Variants in DPP10 observed in about 807,000 individuals in gnomAD.
DPP10 encodes the protein dipeptidyl peptidase like 10.
A neutral mutation model predicts 120.9 loss-of-function variants in DPP10; 33 were observed. That is an observed-to-expected ratio of 0.27 (90% CI 0.21 to 0.37). The LOEUF (loss-of-function observed/expected upper bound fraction) is 0.37, where lower values mean the gene tolerates loss of function less well. Ranked by LOEUF, DPP10 falls within the 10% of genes least tolerant of loss-of-function variation. DPP10 has a pLI of 1.00. For synonymous variants in DPP10, 337 were observed against 326.1 expected (o/e 1.03, Z -0.36); for missense variants, 816 against 942.8 (o/e 0.87, Z 1.76).
chr2:115,511,288 A>G (rs2077209400), intron 4 of DPP10, among the ~76,000 whole-genome samples: 1 of 152,080 alleles, frequency 6.6e-6, no homozygotes, highest in Non-Finnish European at 1.5e-5. Context: ...TATTCCAAAT[A>G]TATATTACTT....
At chr2:115,424,471 G>A (rs897968130) in intron 3 of DPP10, among the ~76,000 whole-genome samples, 2 of 151,462 alleles carry the variant, frequency 1.3e-5, no homozygotes, top group East Asian at 1.9e-4. Context: ...TAAATTATCA[G>A]CAGATAGGAA....
At chr2:114,972,204 A>G (rs528274780) in intron 1 of DPP10, among the ~76,000 whole-genome samples, 3 of 152,156 alleles carry the variant, frequency 2.0e-5, no homozygotes. Flanking sequence ...GACAAGCGCT[A>G]GTTTACATAG....
At chr2:114,456,980 A>C (rs944557724) in intron 1 of DPP10, among the ~76,000 whole-genome samples, 3 of 152,224 alleles carry the variant, frequency 2.0e-5, no homozygotes, top group Non-Finnish European at 2.9e-5. Flanking sequence ...GAAAACAGTT[A>C]ATAAAAGTGA....
intron 3 of DPP10, among the ~76,000 whole-genome samples, chr2:115,423,520 G>A (rs2070175705): frequency 6.6e-6 from 1 of 152,124 alleles, no homozygotes; most frequent in African/African-American, 2.4e-5. Flanking sequence ...AGCTGTTTCT[G>A]TCTGTGGAAA....
At chr2:115,627,576 G>T (rs1469084239) in intron 5 of DPP10, among the ~76,000 whole-genome samples, 3 of 152,154 alleles carry the variant, frequency 2.0e-5, no homozygotes, top group Non-Finnish European at 4.4e-5. Context: ...GTGCAGGTTT[G>T]TTACATAGGT....
At chr2:114,749,598 A>ATTTTATTTTATTTT (rs1679003405) in intron 1 of DPP10, among the ~76,000 whole-genome samples, 2 of 147,486 alleles carry the variant, frequency 1.4e-5, no homozygotes, top group South Asian at 4.3e-4. Flanking sequence ...ATTTTATTTT[A>ATTTTATTTTATTTT]TTTTTTGAGA....
At position 114,828,210 on chromosome 2, in the gene DPP10, G is replaced by A. The variant is rs138201828; in HGVS notation, c.60+385372G>A. 9.9e-4 allele frequency among the ~76,000 whole-genome samples: 151 copies of A among 152,198 alleles called. 1 individual carries two copies. Among genetic ancestry groups the A allele is most frequent in the African/African-American group, 3.5e-3 (144 of 41,516 alleles). On this transcript the variant is annotated intron_variant, in intron 1 of 25. Transcript: ENST00000410059. The stretch of plus-strand genomic sequence containing the variant: ...TCTGATAATGGGTAGATGGTCTACG[G>A]CCATACCACCCTGAACACTCCCCGT...
intron 1 of DPP10, among the ~76,000 whole-genome samples, chr2:114,608,147 A>C (rs187873257): frequency 3.2e-4 from 48 of 152,296 alleles, no homozygotes; most frequent in African/African-American, 9.9e-4. Context: ...CTTATAGGGG[A>C]TCTGAGTGAG....
intron 1 of DPP10, among the ~76,000 whole-genome samples, chr2:114,473,203 A>G (rs1325145630): frequency 2.0e-5 from 3 of 152,218 alleles, no homozygotes; most frequent in African/African-American, 7.2e-5. Flanking sequence ...GCAGTGAACA[A>G]TAGAAGGCAT....
intron 4 of DPP10, among the ~76,000 whole-genome samples, chr2:115,514,081 A>G (rs1040559804): frequency 2.6e-5 from 4 of 151,906 alleles, no homozygotes; most frequent in Admixed American, 1.3e-4. Context: ...GAAGACGTCA[A>G]CCTAAATCTC....
chr2:115,162,602 C>T (rs2052503193), intron 1 of DPP10, among the ~76,000 whole-genome samples: 1 of 151,960 alleles, frequency 6.6e-6, no homozygotes, highest in African/African-American at 2.4e-5. Context: ...CTGAGCGGAA[C>T]GGAGCTTGGG....
intron 1 of DPP10, among the ~76,000 whole-genome samples, chr2:114,547,083 G>A (rs1687472200): frequency 6.6e-6 from 1 of 152,240 alleles, no homozygotes; most frequent in Admixed American, 6.5e-5. Flanking sequence ...CGCATCATGT[G>A]TGTGCGGTAG....
chr2:114,621,125 A>T (rs1012818831), intron 1 of DPP10, among the ~76,000 whole-genome samples: 1 of 152,106 alleles, frequency 6.6e-6, no homozygotes, highest in African/African-American at 2.4e-5. Context: ...AATGAAACAC[A>T]TGGAAATAGG....
intron 1 of DPP10, among the ~76,000 whole-genome samples, chr2:114,755,216 C>T (rs1340998180): frequency 1.3e-5 from 2 of 152,162 alleles, no homozygotes; most frequent in African/African-American, 4.8e-5. Flanking sequence ...TTAACTTATT[C>T]ATTCAATAAA....
At chr2:115,178,044 G>A (rs532651485) in intron 1 of DPP10, among the ~76,000 whole-genome samples, 1 of 151,914 alleles carries the variant, frequency 6.6e-6, no homozygotes, top group Non-Finnish European at 1.5e-5. Flanking sequence ...GCTTTTTTTT[G>A]ATAAAAACCT....
intron 1 of DPP10, among the ~76,000 whole-genome samples, chr2:114,904,393 A>G (rs1693813070): frequency 6.6e-6 from 1 of 152,230 alleles, no homozygotes; most frequent in Non-Finnish European, 1.5e-5. Context: ...AGAACTGGCA[A>G]GGATTGAAAT....
chr2:114,622,113 G>A (rs927384858), intron 1 of DPP10, among the ~76,000 whole-genome samples: 2 of 152,022 alleles, frequency 1.3e-5, no homozygotes, highest in Admixed American at 1.3e-4. Context: ...GAAGAGACAG[G>A]AGTAGCTGAG....
intron 1 of DPP10, among the ~76,000 whole-genome samples, chr2:115,059,454 G>A (rs1458280850): frequency 1.3e-5 from 2 of 149,682 alleles, no homozygotes; most frequent in Non-Finnish European, 3.0e-5. Context: ...CCTAGGACAA[G>A]TGCTTTGTGT....
chr2:114,612,783 G>T (rs1231676699), intron 1 of DPP10, among the ~76,000 whole-genome samples: 1 of 152,104 alleles, frequency 6.6e-6, no homozygotes, highest in Non-Finnish European at 1.5e-5. Context: ...CAAGATGTAT[G>T]TTCTTTATCT....
Sources: gnomAD v4.1 joint callset for allele counts (sites outside exome capture counted in the v4.1 genomes callset) on GRCh38, gnomAD v4.1.1 for gene constraint, MANE v1.5 for transcripts, NCBI Gene and HGNC (gene_info 2026-07-23, HGNC 2026-07-21) for gene names.